Variants in MAGI2 observed in about 807,000 individuals in gnomAD.
The protein encoded by MAGI2 is membrane associated guanylate kinase, WW and PDZ domain containing 2, also known as membrane-associated guanylate kinase, WW and PDZ domain-containing protein 2.
In MAGI2, 35 loss-of-function variants were observed where a neutral mutation model predicts 133.3. The ratio of observed to expected loss-of-function variants is 0.26; its 90% CI spans 0.20 to 0.35. The LOEUF is 0.35. Ranked by LOEUF, MAGI2 falls within the 10% of genes least tolerant of loss-of-function variation. The pLI is 1.00. For missense variants in MAGI2, 1,636 were observed against 1,863.4 expected (o/e 0.88, Z 2.25); for synonymous variants, 729 against 710.6 (o/e 1.03, Z -0.41).
intron 1 of MAGI2, among the ~76,000 whole-genome samples, chr7:79,041,488 G>A (rs747711909): frequency 3.3e-5 from 5 of 152,054 alleles, no homozygotes; most frequent in Non-Finnish European, 7.4e-5. Context: ...TATGATGATA[G>A]TAAAAATGTA....
intron 1 of MAGI2, among the ~76,000 whole-genome samples, chr7:79,050,485 C>T (rs903738744): frequency 6.6e-6 from 1 of 152,116 alleles, no homozygotes; most frequent in Non-Finnish European, 1.5e-5. Flanking sequence ...TGGGCTCAAG[C>T]GATCCTCCTG....
chr7:79,381,404 GT>G (rs1262363712), intron 1 of MAGI2, among the ~76,000 whole-genome samples: 1 of 151,558 alleles, frequency 6.6e-6, no homozygotes, highest in Non-Finnish European at 1.5e-5. Flanking sequence ...ATAATAAAAG[GT>G]TTGCTTATGT....
At chr7:79,331,741 TCTC>T (rs916653011) in intron 1 of MAGI2, among the ~76,000 whole-genome samples, 6 of 152,120 alleles carry the variant, frequency 3.9e-5, no homozygotes, top group Non-Finnish European at 8.8e-5. Context: ...TCTTCAGTAT[TCTC>T]CTTGGAAATT....
chr7:78,549,049 A>G (rs1259786644), intron 3 of MAGI2, among the ~76,000 whole-genome samples: 1 of 152,224 alleles, frequency 6.6e-6, no homozygotes, highest in Non-Finnish European at 1.5e-5. Context: ...TAGATTGCTA[A>G]TAAGTTTAAA....
chr7:79,013,369 C>T (rs1808374907), intron 1 of MAGI2, among the ~76,000 whole-genome samples: 1 of 152,044 alleles, frequency 6.6e-6, no homozygotes, highest in South Asian at 2.1e-4. Flanking sequence ...AGTAGTTAAG[C>T]AAAGCAGTCT....
chr7:78,336,291 T>A (rs1789753634), intron 9 of MAGI2, among the ~76,000 whole-genome samples: 1 of 152,228 alleles, frequency 6.6e-6, no homozygotes, highest in South Asian at 2.1e-4. Context: ...GGAAACTGTA[T>A]TTTTAAAAAG....
At chr7:78,889,460 G>A (rs1362954130) in intron 2 of MAGI2, among the ~76,000 whole-genome samples, 2 of 152,186 alleles carry the variant, frequency 1.3e-5, no homozygotes, top group Non-Finnish European at 2.9e-5. Flanking sequence ...AGGAAATAAT[G>A]TTAAGGGCAG....
intron 3 of MAGI2, among the ~76,000 whole-genome samples, chr7:78,573,474 C>T (rs1430639911): frequency 7.8e-6 from 1 of 128,934 alleles, no homozygotes; most frequent in African/African-American, 3.1e-5. Context: ...GAGCAGCAGC[C>T]TGGACCTGTT....
chr7:79,389,227 A>G (rs188093192), intron 1 of MAGI2, among the ~76,000 whole-genome samples: 1 of 152,184 alleles, frequency 6.6e-6, no homozygotes, highest in East Asian at 1.9e-4. Context: ...ATTGACAGAT[A>G]TCAAGGACAA....
intron 21 of MAGI2, among the ~76,000 whole-genome samples, chr7:78,036,859 C>T (rs1810282393): frequency 6.6e-6 from 1 of 152,174 alleles, no homozygotes; most frequent in Non-Finnish European, 1.5e-5. Flanking sequence ...AGCAATCCAC[C>T]CTCTTTGGCC....
chr7:79,298,474 C>T (rs12666680), intron 1 of MAGI2, among the ~76,000 whole-genome samples: 141,527 of 151,970 alleles, frequency 0.93, 66,259 homozygotes, highest in Non-Finnish European at 0.98. Flanking sequence ...CACAAAAAAA[C>T]CTGCCAGTGT....
chr7:79,259,112 TTGAATCTC>T (rs1249259357), intron 1 of MAGI2, among the ~76,000 whole-genome samples: 3 of 152,198 alleles, frequency 2.0e-5, no homozygotes, highest in Admixed American at 6.5e-5. Flanking sequence ...AGACCAAACT[TTGAATCTC>T]TTTCAGTGCC....
chr7:79,357,387 C>T (rs966465194), intron 1 of MAGI2, among the ~76,000 whole-genome samples: 2 of 151,794 alleles, frequency 1.3e-5, no homozygotes, highest in African/African-American at 4.9e-5. Context: ...TAAATGCTGA[C>T]TGCAATTATG....
At chr7:78,609,474 C>T (rs561977155) in intron 3 of MAGI2, among the ~76,000 whole-genome samples, 74 of 152,114 alleles carry the variant, frequency 4.9e-4, no homozygotes, top group Non-Finnish European at 8.1e-4. Context: ...TCTTATGTCA[C>T]GTGATGAAGG....
At chr7:78,756,711 T>A (rs960792203) in intron 2 of MAGI2, among the ~76,000 whole-genome samples, 2 of 152,176 alleles carry the variant, frequency 1.3e-5, no homozygotes, top group African/African-American at 4.8e-5. Context: ...AGCCCTTCAA[T>A]CCTGCTGAGA....
chr7:78,943,424 T>C (rs1801148335), intron 2 of MAGI2, among the ~76,000 whole-genome samples: 1 of 152,116 alleles, frequency 6.6e-6, no homozygotes, highest in Non-Finnish European at 1.5e-5. Context: ...TAAGAGAACA[T>C]GGCCTAAGGA....
At chr7:78,972,595 A>G (rs559443863) in intron 2 of MAGI2, among the ~76,000 whole-genome samples, 12 of 151,896 alleles carry the variant, frequency 7.9e-5, no homozygotes, top group Non-Finnish European at 1.3e-4. Flanking sequence ...TAGATTTCAT[A>G]GTAATTATTC....
intron 6 of MAGI2, among the ~76,000 whole-genome samples, chr7:78,384,307 G>A (rs1359661211): frequency 2.6e-5 from 4 of 152,094 alleles, no homozygotes; most frequent in African/African-American, 4.8e-5. Flanking sequence ...TGCTGGGCCC[G>A]AGGTTAGAGT....
At chr7:78,026,193 G>A (rs892085379) in intron 21 of MAGI2, 6 of 152,240 alleles carry the variant, frequency 3.9e-5, no homozygotes, top group Non-Finnish European at 8.8e-5. Flanking sequence ...GTTAAAAGAT[G>A]TATGGTTTCT....
Sources: allele counts gnomAD v4.1 joint callset (sites outside exome capture counted in the v4.1 genomes callset), GRCh38; gene constraint gnomAD v4.1.1; transcripts MANE v1.5; gene names NCBI Gene and HGNC (gene_info 2026-07-23, HGNC 2026-07-21).